Variants in INPP4B observed in about 807,000 individuals in gnomAD.
INPP4B encodes inositol polyphosphate 4-phosphatase type II.
INPP4B carries 55 observed loss-of-function variants against 122.5 expected under a neutral mutation model. The observed-to-expected ratio is 0.45, with a 90% CI of 0.36 to 0.56. The LOEUF is 0.56. Among genes scored for constraint, INPP4B ranks in the 20% least tolerant of loss-of-function variants. The pLI, the probability that INPP4B is intolerant of heterozygous loss-of-function variation, is 0.00. For missense variants in INPP4B, 1,000 were observed against 1,097.7 expected (o/e 0.91, Z 1.26); for synonymous variants, 403 against 388.7 (o/e 1.04, Z -0.43).
Position 142,028,587 on chromosome 4 carries a change from A to C in INPP4B, c.*195T>G, listed in dbSNP as rs1035655393. 1.7e-6 allele frequency: 1 copy of C among 575,624 alleles called. No homozygotes were observed. Among genetic ancestry groups the C allele is most frequent in the African/African-American group, 1.9e-5 (1 of 53,302 alleles). The allele number at this position is 575,624 out of a possible 1,614,324, so 35.7% of individuals were successfully genotyped here. ...TAGAAATGACAGTACTGAATCATGT[A>C]AGATTTTTTAAAATGGATTTCTTTC... On this transcript the variant is annotated 3_prime_UTR_variant, in exon 26 of 26. Coordinates refer to ENST00000262992, the MANE Select transcript of INPP4B (RefSeq NM_001101669.3).
At chr4:142,531,840 C>A (rs1362839558) in intron 2 of INPP4B, among the ~76,000 whole-genome samples, 2 of 152,280 alleles carry the variant, frequency 1.3e-5, no homozygotes, top group East Asian at 1.9e-4. Context: ...AAGGCCAGTT[C>A]TTAGTTGCTT....
intron 18 of INPP4B, among the ~76,000 whole-genome samples, chr4:142,130,233 A>C (rs1380424651): frequency 6.6e-6 from 1 of 152,200 alleles, no homozygotes; most frequent in African/African-American, 2.4e-5. Context: ...TTGTAGGAAT[A>C]GAGACTGAGA....
At chr4:142,366,043 T>C (rs1787344830) in intron 7 of INPP4B, among the ~76,000 whole-genome samples, 2 of 152,086 alleles carry the variant, frequency 1.3e-5, no homozygotes, top group African/African-American at 4.8e-5. Flanking sequence ...ACAAAAGAAG[T>C]GAAAATAGCC....
intron 2 of INPP4B, among the ~76,000 whole-genome samples, chr4:142,586,305 C>A (rs1033637273): frequency 4.7e-5 from 5 of 106,098 alleles, no homozygotes; most frequent in South Asian, 3.3e-4. Context: ...CAGAGCTAGA[C>A]CCTGTCTCAA....
chr4:142,217,846 A>G (rs544005819), intron 12 of INPP4B, among the ~76,000 whole-genome samples: 1 of 152,258 alleles, frequency 6.6e-6, no homozygotes, highest in South Asian at 2.1e-4. Context: ...TCCCCCAAGT[A>G]AGAGAGGAAT....
At chr4:142,305,742 T>C in intron 8 of INPP4B, 1 of 1,397,082 alleles carries the variant, frequency 7.2e-7, no homozygotes, top group Admixed American at 2.9e-5. Context: ...TCATTTTCCC[T>C]AAAAGAAAAG....
At chr4:142,398,376 TAAAAAAAAA>T (rs1183246808) in intron 7 of INPP4B, among the ~76,000 whole-genome samples, 5 of 8,864 alleles carry the variant, frequency 5.6e-4, no homozygotes, top group East Asian at 8.1e-3. Flanking sequence ...AGACTCTGTC[TAAAAAAAAA>T]AAAAAAAAAA....
intron 7 of INPP4B, among the ~76,000 whole-genome samples, chr4:142,402,008 T>C (rs546696826): frequency 6.6e-6 from 1 of 152,320 alleles, no homozygotes; most frequent in East Asian, 1.9e-4. Context: ...GAGAAAGTCA[T>C]GAGCAAAACA....
chr4:142,361,408 A>C (rs762269462), intron 7 of INPP4B, among the ~76,000 whole-genome samples: 8 of 151,890 alleles, frequency 5.3e-5, no homozygotes, highest in Non-Finnish European at 8.8e-5. Context: ...CTATTTCCCT[A>C]CTTTATGTCG....
In INPP4B at chr4:142,515,772, T is replaced by A. The variant is rs114031079; in HGVS notation, c.-190-53046A>T. ...CAAAGTCTGAAAACCACAGAGCCAGTGATGTGAATGCAGGCCTTCTAAACT... is the reference window on the plus strand; with the variant it reads ...CAAAGTCTGAAAACCACAGAGCCAGAGATGTGAATGCAGGCCTTCTAAACT... On this transcript the variant is annotated intron_variant, in intron 2 of 25. Transcript: ENST00000262992. Among the ~76,000 whole-genome samples the A allele has an allele frequency of 5.0e-3, 764 of 152,276 alleles. 6 individuals are homozygous for A. Among genetic ancestry groups the A allele is most frequent in the African/African-American group, 0.018 (733 of 41,554 alleles).
chr4:142,132,306 A>G (rs998602858), intron 18 of INPP4B, among the ~76,000 whole-genome samples: 9 of 152,050 alleles, frequency 5.9e-5, no homozygotes, highest in Non-Finnish European at 1.3e-4. Context: ...GCAATGCATC[A>G]TAGACTCTAA....
At chr4:142,158,419 G>T (rs981064219) in intron 17 of INPP4B, among the ~76,000 whole-genome samples, 1 of 152,048 alleles carries the variant, frequency 6.6e-6, no homozygotes, top group Non-Finnish European at 1.5e-5. Flanking sequence ...CCAGCATGTG[G>T]CACAGTGAAT....
At chr4:142,767,072 A>G (rs1772258384) in intron 1 of INPP4B, among the ~76,000 whole-genome samples, 2 of 152,222 alleles carry the variant, frequency 1.3e-5, no homozygotes, top group South Asian at 2.1e-4. Flanking sequence ...GGTTTCCTCA[A>G]TGATAATCTA....
chr4:142,485,544 A>G (rs926800162), intron 2 of INPP4B, among the ~76,000 whole-genome samples: 1 of 152,144 alleles, frequency 6.6e-6, no homozygotes, highest in Non-Finnish European at 1.5e-5. Context: ...TAGTATGAAT[A>G]TGGGCAAATA....
At chr4:142,370,086 A>G (rs1394399470) in intron 7 of INPP4B, among the ~76,000 whole-genome samples, 4 of 152,158 alleles carry the variant, frequency 2.6e-5, no homozygotes, top group Non-Finnish European at 4.4e-5. Flanking sequence ...TGGAATGTAC[A>G]TGCATACTCT....
At chr4:142,080,547 A>G (rs2152522643) in intron 25 of INPP4B, among the ~76,000 whole-genome samples, 1 of 152,286 alleles carries the variant, frequency 6.6e-6, no homozygotes, top group South Asian at 2.1e-4. Flanking sequence ...CAAATGCTAT[A>G]TCATGAGCAA....
chr4:142,720,910 G>GT (rs1264212725), intron 2 of INPP4B, among the ~76,000 whole-genome samples: 1 of 143,036 alleles, frequency 7.0e-6, no homozygotes, highest in Non-Finnish European at 1.5e-5. Context: ...GTGTGTGTGT[G>GT]TGTGTGTGTG....
chr4:142,804,121 A>G (rs929947189), intron 1 of INPP4B, among the ~76,000 whole-genome samples: 1 of 151,908 alleles, frequency 6.6e-6, no homozygotes, highest in Non-Finnish European at 1.5e-5. Context: ...AACAAAATCC[A>G]TTATTACTTC....
chr4:142,072,526 A>C (rs1768091474), intron 25 of INPP4B, among the ~76,000 whole-genome samples: 1 of 151,566 alleles, frequency 6.6e-6, no homozygotes, highest in African/African-American at 2.4e-5. Context: ...AGATGATATG[A>C]ATAGTGGAAA....
Sources: gnomAD v4.1 joint callset for allele counts (sites outside exome capture counted in the v4.1 genomes callset) on GRCh38, gnomAD v4.1.1 for gene constraint, MANE v1.5 for transcripts, NCBI Gene and HGNC (gene_info 2026-07-23, HGNC 2026-07-21) for gene names.